MLLT10: variants seen among roughly 807,000 people sequenced by gnomAD.
The protein encoded by MLLT10 is MLLT10 histone lysine methyltransferase DOT1L cofactor.
MLLT10 carries 30 observed loss-of-function variants against 129.1 expected under a neutral mutation model. The observed-to-expected ratio is 0.23, with a 90% confidence interval of 0.17 to 0.32. The LOEUF (loss-of-function observed/expected upper bound fraction) is 0.32, where lower values mean the gene tolerates loss of function less well. Among genes scored for constraint, MLLT10 ranks in the 10% least tolerant of loss-of-function variants. The pLI, the probability that MLLT10 is intolerant of heterozygous loss-of-function variation, is 1.00. For synonymous variants in MLLT10, 490 were observed against 446.4 expected (o/e 1.10, Z -1.23); for missense variants, 1,119 against 1,268.3 (o/e 0.88, Z 1.79).
At chr10:21,554,756 C>T (rs989218383) in intron 3 of MLLT10, among the ~76,000 whole-genome samples, 12 of 151,412 alleles carry the variant, frequency 7.9e-5, no homozygotes, top group Non-Finnish European at 1.0e-4. Flanking sequence ...CCACCGGGCC[C>T]GGCCCCTTCA....
chr10:21,598,455 A>C (rs755417008), intron 5 of MLLT10, among the ~76,000 whole-genome samples: 1 of 152,214 alleles, frequency 6.6e-6, no homozygotes, highest in Non-Finnish European at 1.5e-5. Context: ...AATATTTAGA[A>C]GCCAAAGTGG....
intron 3 of MLLT10, chr10:21,556,504 C>A: frequency 1.6e-6 from 1 of 624,092 alleles, no homozygotes; most frequent in Non-Finnish European, 2.8e-6. Context: ...TTTTCTTCAG[C>A]TGCTCCTGGT....
chr10:21,557,556 G>A (rs1406775673), intron 3 of MLLT10: 3 of 152,660 alleles, frequency 2.0e-5, no homozygotes, highest in African/African-American at 7.2e-5. Context: ...TCCTTCCGTG[G>A]GGTTTAGGAC....
chr10:21,597,652 G>A (rs148819914), intron 5 of MLLT10, among the ~76,000 whole-genome samples: 56 of 152,310 alleles, frequency 3.7e-4, no homozygotes, highest in African/African-American at 1.2e-3. Context: ...GATTACAGGC[G>A]TGAGCCACCC....
At chr10:21,550,531 T>G (rs2036830803) in intron 3 of MLLT10, among the ~76,000 whole-genome samples, 2 of 152,162 alleles carry the variant, frequency 1.3e-5, no homozygotes, top group Admixed American at 1.3e-4. Context: ...CTGATTCCTT[T>G]AGCTTTTTGT....
intron 13 of MLLT10, among the ~76,000 whole-genome samples, chr10:21,702,474 C>G (rs1352138314): frequency 6.6e-6 from 1 of 152,072 alleles, no homozygotes. Flanking sequence ...GTCCAGTGTT[C>G]GTTTTTTGAT....
chr10:21,587,252 A>G (rs1476791526), intron 4 of MLLT10, among the ~76,000 whole-genome samples: 1 of 151,648 alleles, frequency 6.6e-6, no homozygotes. Context: ...GTAAATATAA[A>G]AAATAAAAAT....
chr10:21,665,277 TTTTG>T (rs1301790683), intron 9 of MLLT10, among the ~76,000 whole-genome samples: 20 of 139,180 alleles, frequency 1.4e-4, no homozygotes, highest in South Asian at 2.6e-4. Flanking sequence ...TAGGCTTCTT[TTTTG>T]TTTGTTTGTT....
intron 2 of MLLT10, 24 bp from the exon 3 acceptor site, chr10:21,538,809 T>G: frequency 6.4e-7 from 1 of 1,566,962 alleles, no homozygotes; most frequent in East Asian, 2.2e-5. Flanking sequence ...TCTTAACATT[T>G]TAACACATTT....
intron 5 of MLLT10, among the ~76,000 whole-genome samples, chr10:21,600,707 A>C (rs906282676): frequency 1.3e-5 from 2 of 152,198 alleles, no homozygotes; most frequent in African/African-American, 4.8e-5. Flanking sequence ...TTTGAAAAGC[A>C]AAATCTTGCA....
At chr10:21,569,217 G>C (rs190825219) in intron 3 of MLLT10, among the ~76,000 whole-genome samples, 6 of 152,188 alleles carry the variant, frequency 3.9e-5, no homozygotes, top group African/African-American at 1.4e-4. Context: ...TCAAGCTTCT[G>C]TATCCTTACT....
At chr10:21,672,334 G>GC (rs1468772250) in intron 10 of MLLT10, among the ~76,000 whole-genome samples, 2 of 151,792 alleles carry the variant, frequency 1.3e-5, no homozygotes, top group African/African-American at 4.8e-5. Context: ...ATTAGCTTTT[G>GC]CCTCCACCTT....
At chr10:21,645,987 T>C (rs1394330248) in intron 8 of MLLT10, among the ~76,000 whole-genome samples, 1 of 152,114 alleles carries the variant, frequency 6.6e-6, no homozygotes, top group African/African-American at 2.4e-5. Context: ...GGCAGATCAC[T>C]TGAGGCCCGG....
chr10:21,631,730 C>CT (rs1453778685), intron 8 of MLLT10, among the ~76,000 whole-genome samples: 1 of 152,084 alleles, frequency 6.6e-6, no homozygotes, highest in Non-Finnish European at 1.5e-5. Context: ...GGTGAGAACT[C>CT]TTATCAGGAG....
intron 6 of MLLT10, 124 bp from the exon 7 acceptor site, chr10:21,614,707 A>AT (rs2045054678): frequency 1.3e-5 from 9 of 691,760 alleles, no homozygotes; most frequent in East Asian, 5.9e-5. Flanking sequence ...TTATTTTCTC[A>AT]TTTTTTTCTT....
At chr10:21,732,862 A>G (rs962189626) in intron 17 of MLLT10, 37 bp from the exon 18 acceptor site, 1 of 1,575,494 alleles carries the variant, frequency 6.3e-7, no homozygotes, top group Non-Finnish European at 8.7e-7. Context: ...TTATGTGTGT[A>G]CTTGTCATTA....
chr10:21,606,218 C>T (rs1258876406), intron 5 of MLLT10, among the ~76,000 whole-genome samples: 1 of 152,118 alleles, frequency 6.6e-6, no homozygotes, highest in Non-Finnish European at 1.5e-5. Context: ...TTCCCTAAGA[C>T]ACAACAATAT....
At position 21,595,220 on chromosome 10, in the gene MLLT10, CTTG is replaced by C. The variant is rs151087328; in HGVS notation, c.296-106_296-104del. On this transcript the variant is annotated intron_variant, in intron 4 of 22. Coordinates refer to ENST00000307729, the MANE Select transcript of MLLT10 (RefSeq NM_001195626.3). ...ACAGCAATGAGAATTTGTTAATGTC[CTTG>C]TTGTGCATTTATTTCAATAGACATT... 4.5e-3 allele frequency: 3,101 copies of C among 686,484 alleles called. 71 individuals carry two copies. In the African/African-American group the frequency reaches 0.047, roughly 11 times the overall value. The allele number at this position is 686,484 out of a possible 1,614,324, so 42.5% of individuals were successfully genotyped here.
At chr10:21,576,100 T>C (rs2040706928) in intron 3 of MLLT10, among the ~76,000 whole-genome samples, 1 of 152,020 alleles carries the variant, frequency 6.6e-6, no homozygotes, top group African/African-American at 2.4e-5. Flanking sequence ...CTAATTTTTG[T>C]ATTTTTGGTA....
Sources: gnomAD v4.1 joint callset for allele counts (sites outside exome capture counted in the v4.1 genomes callset) on GRCh38, gnomAD v4.1.1 for gene constraint, MANE v1.5 for transcripts, NCBI Gene and HGNC (gene_info 2026-07-23, HGNC 2026-07-21) for gene names.